Variants in BLVRB observed in about 807,000 individuals in gnomAD.
BLVRB encodes biliverdin reductase B.
Under a neutral mutation model 21.1 loss-of-function variants are expected in BLVRB, and 25 were observed. The observed-to-expected ratio is 1.19, with a 90% confidence interval of 0.86 to 1.66. BLVRB has a LOEUF of 1.66. BLVRB is among the 40% of genes most tolerant of loss of function. The pLI, the probability that BLVRB is intolerant of heterozygous loss-of-function variation, is 0.00. For synonymous variants in BLVRB, 128 were observed against 122.2 expected (o/e 1.05, Z -0.31); for missense variants, 274 against 282.7 (o/e 0.97, Z 0.22).
chr19:40,460,511 G>A (rs1228068368), intron 1 of BLVRB, among the ~76,000 whole-genome samples: 1 of 151,102 alleles, frequency 6.6e-6, no homozygotes, highest in East Asian at 1.9e-4. Flanking sequence ...GCAACCTGTA[G>A]TCTCAGCTAC....
intron 3 of BLVRB, among the ~76,000 whole-genome samples, chr19:40,455,703 AAAAC>A (rs796238148): frequency 2.0e-4 from 30 of 152,280 alleles, no homozygotes; most frequent in African/African-American, 7.0e-4. Flanking sequence ...GTCTCAAATA[AAAAC>A]AAACAAACAA....
rs573752145 is a variant in BLVRB, at chr19:40,452,586, C to T, written c.335-1094G>A. Among the ~76,000 whole-genome samples the T allele has an allele frequency of 3.4e-4, 52 of 151,954 alleles. No homozygotes were observed. The East Asian group carries it at 7.3e-3, about 21-fold the overall frequency. ...GCTAATTTAAAAAATTTTTTTAGGCCGGGTCTGGTGGCTAACCCCTGTAAT... is the reference window on the plus strand; with the variant it reads ...GCTAATTTAAAAAATTTTTTTAGGCTGGGTCTGGTGGCTAACCCCTGTAAT... On this transcript the variant is annotated intron_variant, in intron 3 of 4. Coordinates refer to ENST00000263368, the MANE Select transcript of BLVRB (RefSeq NM_000713.3).
In BLVRB at chr19:40,447,946, G is replaced by A. The variant is rs2079721336; in HGVS notation, c.564C>T (p.Cys188=). ...GTCCGTCGTACTCATCGGTGGTGAG[G>A]CAGCGCAGCATGAAATGGCCCAGGT... The part of the protein sequence containing the change: ...KHDLGHFMLR[C]LTTDEYDGHS... The change falls in exon 5 of 5, where the codon TGC becomes TGT. Residue 188 remains cysteine (C), a synonymous_variant. Coordinates refer to ENST00000263368, the MANE Select transcript of BLVRB (RefSeq NM_000713.3). 1 of 1,614,088 alleles carries A rather than the reference G, an allele frequency of 6.2e-7. No homozygotes were observed. The highest frequency in any genetic ancestry group is 1.7e-5 in the Admixed American group (1 of 60,010).
chr19:40,465,579 C>G, intron 1 of BLVRB, 31 bp downstream of exon 1: 1 of 1,596,470 alleles, frequency 6.3e-7, no homozygotes, highest in Non-Finnish European at 8.5e-7. Context: ...CCGTCTGTCC[C>G]GTGACATGCC....
chr19:40,458,474 C>G lies in BLVRB; in HGVS notation c.151G>C (p.Val51Leu). ...GCTGCCTGCAGAACATCTCCCACTA[C>G]CACGTGGGCCGGCCGGGGCCCCTCT... ...PSEGPRPAHV[V>L]VGDVLQAADV... is the part of the protein sequence containing the mutation. Residue 51 changes from valine (V) to leucine (L), a missense_variant, in exon 2 of 5, where the codon GTA (valine) becomes CTA (leucine). Val to Leu is a conservative substitution (Grantham distance 32). Coordinates refer to ENST00000263368, the MANE Select transcript of BLVRB (RefSeq NM_000713.3). 6.2e-7 allele frequency: 1 copy of G among 1,607,764 alleles called. No homozygotes were observed. The highest frequency in any genetic ancestry group is 8.5e-7 in the Non-Finnish European group (1 of 1,177,684).
chr19:40,463,022 A>C (rs1464895266), intron 1 of BLVRB, among the ~76,000 whole-genome samples: 1 of 152,094 alleles, frequency 6.6e-6, no homozygotes, highest in African/African-American at 2.4e-5. Flanking sequence ...AACATGTGAT[A>C]CATTTTGATA....
At chr19:40,454,328 C>T (rs930385855) in intron 3 of BLVRB, among the ~76,000 whole-genome samples, 4 of 151,978 alleles carry the variant, frequency 2.6e-5, no homozygotes, top group Admixed American at 2.0e-4. Flanking sequence ...GGGGTTTCAC[C>T]ATGTTGGCCA....
At chr19:40,448,608 A>ATAT in intron 4 of BLVRB, among the ~76,000 whole-genome samples, 1 of 126,380 alleles carries the variant, frequency 7.9e-6, no homozygotes, top group Middle Eastern at 4.5e-3. Context: ...AACAACAACA[A>ATAT]ATATATATAT....
At chr19:40,452,645 G>A (rs1287801874) in intron 3 of BLVRB, among the ~76,000 whole-genome samples, 3 of 151,924 alleles carry the variant, frequency 2.0e-5, no homozygotes, top group Admixed American at 6.6e-5. Flanking sequence ...AGGCCAGATC[G>A]CCTGAGGTTA....
At chr19:40,448,715 C>T (rs1442653427) in intron 4 of BLVRB, among the ~76,000 whole-genome samples, 1 of 147,838 alleles carries the variant, frequency 6.8e-6, no homozygotes, top group Non-Finnish European at 1.5e-5. Flanking sequence ...GTACCATCAC[C>T]CAAACAGAGA....
chr19:40,465,641 C>A lies in BLVRB; in HGVS notation c.48G>T (p.Gly16=), dbSNP rs761635208. ...GCACCGCCTGCGCCAGGGTGGTGAGCCCGGTCTGGCCAGTGGCGCCGAAGA... is the reference window on the plus strand; with the variant it reads ...GCACCGCCTGCGCCAGGGTGGTGAGACCGGTCTGGCCAGTGGCGCCGAAGA... ...IAIFGATGQT[G]LTTLAQAVQA... The change falls in exon 1 of 5, where the codon GGG becomes GGT. Residue 16 remains glycine, a synonymous_variant. Coordinates refer to ENST00000263368, the MANE Select transcript of BLVRB (RefSeq NM_000713.3). 1 of 1,612,762 alleles carries A rather than the reference C, an allele frequency of 6.2e-7. No homozygotes were observed. Among genetic ancestry groups the A allele is most frequent in the East Asian group, 2.2e-5 (1 of 44,870 alleles).
At chr19:40,460,456 C>T (rs1437854469) in intron 1 of BLVRB, among the ~76,000 whole-genome samples, 6 of 149,620 alleles carry the variant, frequency 4.0e-5, no homozygotes, top group Admixed American at 2.0e-4. Flanking sequence ...AGTGAAACCC[C>T]GTCTCTGCAA....
At position 40,458,540 on chromosome 19, in the gene BLVRB, C is replaced by T. The variant is rs144111604; in HGVS notation, c.85G>A (p.Glu29Lys). The change falls in exon 2 of 5, where the codon GAA becomes AAA. Residue 29 changes from glutamate to lysine, a missense_variant. Transcript: ENST00000263368. ...TLAQAVQAGY[E>K]VTVLVRDSSR... Reference sequence around the variant, plus strand: ...GAGTCCCGCACCAGCACTGTCACTTCGTAACCTGTGGGCAAAGAGGAGCAG... The same window carrying T: ...GAGTCCCGCACCAGCACTGTCACTTTGTAACCTGTGGGCAAAGAGGAGCAG... The T allele has an allele frequency of 9.8e-4, 1,566 of 1,604,182 alleles. 7 individuals carry two copies. The highest frequency in any genetic ancestry group is 3.1e-3 in the Middle Eastern group (19 of 6,032).
At chr19:40,458,021 G>A (rs1371877028) in intron 3 of BLVRB, 134 bp downstream of exon 3, 5 of 872,832 alleles carry the variant, frequency 5.7e-6, no homozygotes, top group Non-Finnish European at 9.1e-6. Context: ...CACCCAGTAA[G>A]GTTCAGGCAC....
At chr19:40,457,211 C>T (rs1173459278) in intron 3 of BLVRB, among the ~76,000 whole-genome samples, 1 of 151,326 alleles carries the variant, frequency 6.6e-6, no homozygotes, top group Non-Finnish European at 1.5e-5. Flanking sequence ...CAAGTTTACT[C>T]GTGTATTACT....
chr19:40,461,531 G>A (rs1437931108), intron 1 of BLVRB, among the ~76,000 whole-genome samples: 1 of 143,590 alleles, frequency 7.0e-6, no homozygotes, highest in African/African-American at 2.6e-5. Context: ...ACGGAGTCTC[G>A]CTCTGTTGCC....
At position 40,458,224 on chromosome 19, in the gene BLVRB, C is replaced by T. The variant is rs148832924; in HGVS notation, c.265G>A (p.Glu89Lys). 53 of 1,611,936 alleles carry T rather than the reference C, an allele frequency of 3.3e-5. No individual in the cohort carries two copies. Among genetic ancestry groups the T allele is most frequent in the Admixed American group, 1.2e-4 (7 of 59,832 alleles). ...NDLSPTTVMS[E>K]GARNIVAAMK... ...GCTGCCACAATGTTCCGGGCGCCCT[C>T]GGACATCACTGTCGTGGGACCTTAG... The change falls in exon 3 of 5, where the codon GAG becomes AAG. Residue 89 changes from glutamate (E) to lysine (K), a missense_variant. Physicochemically the swap from Glu to Lys is moderately conservative, Grantham distance 56 (BLOSUM62 1). Transcript: ENST00000263368.
At chr19:40,461,498 AT>A (rs35562498) in intron 1 of BLVRB, among the ~76,000 whole-genome samples, 71,856 of 135,196 alleles carry the variant, frequency 0.53, 19,825 homozygotes, top group African/African-American at 0.73. Flanking sequence ...CCCACAGCAC[AT>A]TTTTTTTTTT....
chr19:40,461,205 G>A (rs962065222), intron 1 of BLVRB, among the ~76,000 whole-genome samples: 23 of 152,094 alleles, frequency 1.5e-4, no homozygotes, highest in African/African-American at 5.6e-4. Context: ...TAACCATTTT[G>A]CAACTTTATC....
Sources: gnomAD v4.1 joint callset for allele counts (sites outside exome capture counted in the v4.1 genomes callset) on GRCh38, gnomAD v4.1.1 for gene constraint, MANE v1.5 for transcripts, NCBI Gene and HGNC (gene_info 2026-07-23, HGNC 2026-07-21) for gene names.